The following DSCAM variants were observed in gnomAD, a reference collection of about 807,000 sequenced individuals.
The protein encoded by DSCAM is DS cell adhesion molecule.
A neutral mutation model predicts 217.7 loss-of-function variants in DSCAM; 47 were observed. The observed-to-expected ratio is 0.22, with a 90% CI of 0.17 to 0.28. The LOEUF is 0.28. Among genes scored for constraint, DSCAM ranks in the 10% least tolerant of loss-of-function variants. The probability of loss-of-function intolerance (pLI) is 1.00; values close to 1 mark genes in which losing one functional copy is unlikely to be tolerated. For missense variants in DSCAM, 2,080 were observed against 2,618.3 expected (o/e 0.79, Z 4.49); for synonymous variants, 1,056 against 1,015.3 (o/e 1.04, Z -0.76).
intron 3 of DSCAM, among the ~76,000 whole-genome samples, chr21:40,649,836 A>G (rs1319331849): frequency 1.3e-5 from 2 of 152,176 alleles, no homozygotes; most frequent in East Asian, 3.9e-4. Flanking sequence ...TCTTTTCACT[A>G]TATTTTGTCT....
At chr21:40,320,831 G>A (rs377738068) in intron 8 of DSCAM, among the ~76,000 whole-genome samples, 20 of 152,278 alleles carry the variant, frequency 1.3e-4, no homozygotes, top group South Asian at 8.3e-4. Flanking sequence ...CCCACAACAC[G>A]TGGGAATTAT....
At chr21:40,516,906 T>TATATATATATATAC (rs1555849637) in intron 3 of DSCAM, among the ~76,000 whole-genome samples, 5 of 145,566 alleles carry the variant, frequency 3.4e-5, no homozygotes, top group Admixed American at 7.0e-5. Context: ...TATATATATA[T>TATATATATATATAC]ACACACACAC....
chr21:40,497,225 A>G (rs1349861146), intron 3 of DSCAM, among the ~76,000 whole-genome samples: 1 of 152,244 alleles, frequency 6.6e-6, no homozygotes, highest in Non-Finnish European at 1.5e-5. Context: ...TTCACAATAG[A>G]CAAAAATTAG....
intron 1 of DSCAM, among the ~76,000 whole-genome samples, chr21:40,742,951 C>G (rs147314857): frequency 7.2e-5 from 11 of 152,288 alleles, no homozygotes; most frequent in African/African-American, 1.9e-4. Flanking sequence ...AAATTACCCA[C>G]CTGGCAAGCG....
chr21:40,705,278 T>C (rs2090700118), intron 2 of DSCAM, among the ~76,000 whole-genome samples: 1 of 152,218 alleles, frequency 6.6e-6, no homozygotes, highest in Admixed American at 6.5e-5. Flanking sequence ...GATTTTGATA[T>C]TCTTTATCCC....
At chr21:40,705,649 C>T (rs938806110) in intron 2 of DSCAM, among the ~76,000 whole-genome samples, 1 of 152,160 alleles carries the variant, frequency 6.6e-6, no homozygotes, top group Non-Finnish European at 1.5e-5. Flanking sequence ...GTGAGACTCA[C>T]TCACTCTCAC....
In DSCAM at chr21:40,828,251, A is replaced by C. The variant is rs1012261445; in HGVS notation, c.43+18368T>G. On this transcript the variant is annotated intron_variant, in intron 1 of 32. Coordinates refer to ENST00000400454, the MANE Select transcript of DSCAM (RefSeq NM_001389.5). The stretch of plus-strand genomic sequence containing the variant: ...GACCCTGTTTCTATAAAAATAAATA[A>C]ATAAAAATAAATACAAGGGCAAAGT... 1.1e-4 allele frequency among the ~76,000 whole-genome samples: 17 copies of C among 152,252 alleles called. No homozygotes were observed. The East Asian group carries it at 1.2e-3, about 10-fold the overall frequency.
chr21:40,475,634 C>T (rs2075927449), intron 3 of DSCAM, among the ~76,000 whole-genome samples: 1 of 152,156 alleles, frequency 6.6e-6, no homozygotes, highest in Admixed American at 6.5e-5. Context: ...AGTTCAAGAC[C>T]AGCCTGACCA....
At chr21:40,509,269 G>A (rs1272006756) in intron 3 of DSCAM, among the ~76,000 whole-genome samples, 2 of 152,148 alleles carry the variant, frequency 1.3e-5, no homozygotes, top group Non-Finnish European at 2.9e-5. Flanking sequence ...ATAAAACAAA[G>A]TAGAATTCAA....
At chr21:40,522,874 G>A (rs990426284) in intron 3 of DSCAM, among the ~76,000 whole-genome samples, 8 of 152,126 alleles carry the variant, frequency 5.3e-5, no homozygotes, top group Non-Finnish European at 1.2e-4. Flanking sequence ...ACATGTAATT[G>A]TCACATGCGG....
intron 3 of DSCAM, among the ~76,000 whole-genome samples, chr21:40,526,228 G>A (rs1180176051): frequency 6.6e-6 from 1 of 152,170 alleles, no homozygotes; most frequent in African/African-American, 2.4e-5. Flanking sequence ...CTCCAGCTGG[G>A]TGGTTCACAC....
In DSCAM at chr21:40,400,370, C is replaced by T. The variant is rs142520555; in HGVS notation, c.509-31125G>A. 2.7e-3 allele frequency among the ~76,000 whole-genome samples: 406 copies of T among 152,202 alleles called. 1 individual carries two copies. Among genetic ancestry groups the T allele is most frequent in the Non-Finnish European group, 4.3e-3 (293 of 68,010 alleles). ...TTTATATTTTCATAAATCTTTTTAA[C>T]GTCTACCCTAATAGAATGCTCAATT... is the stretch of plus-strand genomic sequence containing the variant. On this transcript the variant is annotated intron_variant, in intron 3 of 32. Transcript: ENST00000400454.
intron 3 of DSCAM, among the ~76,000 whole-genome samples, chr21:40,624,560 T>G (rs2089572456): frequency 6.6e-6 from 1 of 152,130 alleles, no homozygotes; most frequent in African/African-American, 2.4e-5. Context: ...TGAATGATGC[T>G]TGGGAGCAGG....
intron 11 of DSCAM, among the ~76,000 whole-genome samples, chr21:40,206,228 C>G (rs992876765): frequency 6.6e-6 from 1 of 152,220 alleles, no homozygotes; most frequent in South Asian, 2.1e-4. Context: ...CACCAGAATA[C>G]CTTCATCCCA....
chr21:40,563,630 A>G (rs1166674614), intron 3 of DSCAM, among the ~76,000 whole-genome samples: 2 of 145,720 alleles, frequency 1.4e-5, no homozygotes, highest in Non-Finnish European at 3.0e-5. Flanking sequence ...ATATATAGTT[A>G]TATGTGTATA....
At chr21:40,320,677 G>T (rs1312214045) in intron 8 of DSCAM, among the ~76,000 whole-genome samples, 4 of 152,172 alleles carry the variant, frequency 2.6e-5, no homozygotes, top group Non-Finnish European at 5.9e-5. Flanking sequence ...ACCTTACATG[G>T]ATGGCATCAG....
At position 40,703,562 on chromosome 21, in the gene DSCAM, C is replaced by G. The variant is rs577634470; in HGVS notation, c.361+4892G>C. 2.3e-3 allele frequency among the ~76,000 whole-genome samples: 355 copies of G among 152,142 alleles called. 2 individuals carry two copies. The highest frequency in any genetic ancestry group is 8.2e-3 in the African/African-American group (339 of 41,518). On this transcript the variant is annotated intron_variant, in intron 2 of 32. Coordinates refer to ENST00000400454, the MANE Select transcript of DSCAM (RefSeq NM_001389.5). ...CACATCCACACACACACACACCCAACAGCAACAACAAAAATCCTGTCTACT... is the reference window on the plus strand; with the variant it reads ...CACATCCACACACACACACACCCAAGAGCAACAACAAAAATCCTGTCTACT...
intron 1 of DSCAM, among the ~76,000 whole-genome samples, chr21:40,782,630 TG>T (rs1248350719): frequency 6.6e-6 from 1 of 151,954 alleles, no homozygotes; most frequent in Non-Finnish European, 1.5e-5. Context: ...CTCGGGAAGC[TG>T]AAGTGGAAGG....
intron 3 of DSCAM, among the ~76,000 whole-genome samples, chr21:40,443,257 G>C (rs1363388652): frequency 6.6e-6 from 1 of 152,168 alleles, no homozygotes; most frequent in Non-Finnish European, 1.5e-5. Context: ...ATTAACATTT[G>C]TATTGCTATG....
Sources: allele counts gnomAD v4.1 joint callset (sites outside exome capture counted in the v4.1 genomes callset), GRCh38; gene constraint gnomAD v4.1.1; transcripts MANE v1.5; gene names NCBI Gene and HGNC (gene_info 2026-07-23, HGNC 2026-07-21).